GTF2IRD2B: variants seen among roughly 807,000 people sequenced by gnomAD.
GTF2IRD2B encodes the protein GTF2I repeat domain containing 2B.
Under a neutral mutation model 55.6 loss-of-function variants are expected in GTF2IRD2B, and 10 were observed. That is an observed-to-expected ratio of 0.18 (90% confidence interval 0.11 to 0.31). The LOEUF is 0.31. Ranked by LOEUF, GTF2IRD2B falls within the 10% of genes least tolerant of loss-of-function variation. The pLI is 1.00. For synonymous variants in GTF2IRD2B, 107 were observed against 320.5 expected (o/e 0.33, Z 7.12); for missense variants, 206 against 802.7 (o/e 0.26, Z 8.98).
chr7:75,102,151 C>T (rs587651541), intron 1 of GTF2IRD2B, among the ~76,000 whole-genome samples: 6 of 150,552 alleles, frequency 4.0e-5, no homozygotes, highest in Admixed American at 1.3e-4. Context: ...TACAGGCGTG[C>T]GCCACCATGC....
At chr7:75,114,564 G>C (rs1808079120) in intron 3 of GTF2IRD2B, among the ~76,000 whole-genome samples, 1 of 151,308 alleles carries the variant, frequency 6.6e-6, no homozygotes, top group Non-Finnish European at 1.5e-5. Context: ...AGTTCATTTT[G>C]CAACCCTTGC....
At position 75,120,053 on chromosome 7, in the gene GTF2IRD2B, C is replaced by G. The variant is rs1381017214; in HGVS notation, c.239-838C>G. ...CTGAGGCAGGAGAATGGCGTGAACC[C>G]GGGAGGCAGAACTTGCAGTGAGTGG... is the stretch of plus-strand genomic sequence containing the variant. On this transcript the variant is annotated intron_variant, in intron 3 of 15. Transcript: ENST00000472837. 5.4e-5 allele frequency among the ~76,000 whole-genome samples: 7 copies of G among 129,160 alleles called. 2 individuals are homozygous for G. Among genetic ancestry groups the G allele is most frequent in the African/African-American group, 2.5e-4 (7 of 27,826 alleles). 84.7% of individuals were successfully genotyped at this position (129,160 alleles called of 152,430 possible).
intron 1 of GTF2IRD2B, among the ~76,000 whole-genome samples, chr7:75,103,244 A>G (rs1807640593): frequency 6.6e-6 from 1 of 151,982 alleles, no homozygotes; most frequent in Non-Finnish European, 1.5e-5. Context: ...GCACCACTGC[A>G]CTCCAGCCTG....
intron 3 of GTF2IRD2B, among the ~76,000 whole-genome samples, chr7:75,118,849 T>C (rs376561506): frequency 8.8e-5 from 13 of 148,474 alleles, no homozygotes; most frequent in Non-Finnish European, 1.6e-4. Flanking sequence ...CACCAGATGA[T>C]GGGACAAAGA....
At chr7:75,132,548 CTTTTTTTTTTT>C (rs1159887977) in intron 8 of GTF2IRD2B, among the ~76,000 whole-genome samples, 1 of 85,316 alleles carries the variant, frequency 1.2e-5, no homozygotes, top group Non-Finnish European at 2.2e-5. Context: ...CTCCTTCCTT[CTTTTTTTTTTT>C]TTTTTTTTTT....
chr7:75,127,152 G>A (rs1486702792), intron 8 of GTF2IRD2B, among the ~76,000 whole-genome samples: 1 of 151,132 alleles, frequency 6.6e-6, no homozygotes, highest in Admixed American at 6.6e-5. Context: ...AGCCTCATTT[G>A]CAGAAGAACC....
At chr7:75,115,769 G>A (rs587715338) in intron 3 of GTF2IRD2B, among the ~76,000 whole-genome samples, 2 of 150,968 alleles carry the variant, frequency 1.3e-5, no homozygotes, top group Admixed American at 6.6e-5. Context: ...TAATTTGTAC[G>A]AGAAATGCCC....
chr7:75,104,575 C>T (rs1465642457), intron 1 of GTF2IRD2B, among the ~76,000 whole-genome samples: 8 of 152,126 alleles, frequency 5.3e-5, no homozygotes, highest in Non-Finnish European at 1.5e-5. Flanking sequence ...ACTTCTACGC[C>T]CTTTTCTCTC....
intron 3 of GTF2IRD2B, among the ~76,000 whole-genome samples, chr7:75,115,656 A>G (rs1808123690): frequency 7.1e-6 from 1 of 141,766 alleles, no homozygotes; most frequent in Admixed American, 7.3e-5. Flanking sequence ...GATGGTCTTG[A>G]ATTCCTGACC....
intron 12 of GTF2IRD2B, among the ~76,000 whole-genome samples, chr7:75,140,550 T>TTTA (rs1808982185): frequency 2.3e-4 from 9 of 38,976 alleles, no homozygotes; most frequent in Non-Finnish European, 4.7e-4. Context: ...TTTTTTTTTT[T>TTTA]GAGACGGAGT....
intron 1 of GTF2IRD2B, among the ~76,000 whole-genome samples, chr7:75,104,141 T>C (rs1167396813): frequency 8.2e-5 from 11 of 134,314 alleles, no homozygotes; most frequent in Non-Finnish European, 1.6e-5. Context: ...TTTTTGTTTT[T>C]AGATGGAATC....
At position 75,092,765 on chromosome 7, in the gene GTF2IRD2B, G is replaced by A. The variant is rs1265328510; in HGVS notation, c.-6G>A. The stretch of plus-strand genomic sequence containing the variant: ...GGCCCGGCGCGGCCCAGCGCCCTCA[G>A]GTGCGTACCCCGCCCCCGCCGCCGA... On this transcript the variant is annotated splice_region_variant and 5_prime_UTR_variant, in exon 1 of 16. Coordinates refer to ENST00000472837, the MANE Select transcript of GTF2IRD2B (RefSeq NM_001003795.3). 1 of 153,612 alleles carries A rather than the reference G, an allele frequency of 6.5e-6. No homozygotes were observed. Among genetic ancestry groups the A allele is most frequent in the African/African-American group, 2.4e-5 (1 of 41,466 alleles). The allele number at this position is 153,612 out of a possible 1,614,324, so 9.5% of individuals were successfully genotyped here.
intron 3 of GTF2IRD2B, among the ~76,000 whole-genome samples, chr7:75,113,783 T>G (rs1262861457): frequency 3.6e-4 from 36 of 99,498 alleles, no homozygotes; most frequent in Middle Eastern, 5.0e-3. Context: ...GGTATAAGGG[T>G]GTGTGTGTGT....
intron 1 of GTF2IRD2B, among the ~76,000 whole-genome samples, chr7:75,093,041 C>T (rs1224574872): frequency 1.3e-5 from 2 of 152,302 alleles, no homozygotes; most frequent in Admixed American, 1.3e-4. Flanking sequence ...TCCTGATTGG[C>T]CGAGCGGGGG....
chr7:75,113,813 T>TGC (rs1808047384), intron 3 of GTF2IRD2B, among the ~76,000 whole-genome samples: 2 of 138,514 alleles, frequency 1.4e-5, no homozygotes, highest in Admixed American at 1.5e-4. Context: ...TGTGTGTGTG[T>TGC]GTGTATGTAC....
At chr7:75,120,769 A>G in intron 3 of GTF2IRD2B, 122 bp from the exon 4 acceptor site, 14 of 1,518,018 alleles carry the variant, frequency 9.2e-6, no homozygotes, top group Non-Finnish European at 1.2e-5. Flanking sequence ...TTTTTCTTTA[A>G]AAGATCTTGT....
At chr7:75,112,623 A>C in intron 3 of GTF2IRD2B, 88 bp downstream of exon 3, 1 of 1,316,436 alleles carries the variant, frequency 7.6e-7, no homozygotes, top group Non-Finnish European at 1.1e-6. Flanking sequence ...AAGCTATCAT[A>C]AGCATTCTCC....
chr7:75,147,097 G>A, intron 15 of GTF2IRD2B: 1 of 163,436 alleles, frequency 6.1e-6, no homozygotes, highest in Admixed American at 5.6e-5. Context: ...CACAAACCAG[G>A]CACTCTTTCA....
chr7:75,105,231 T>C (rs1385358270), intron 1 of GTF2IRD2B, among the ~76,000 whole-genome samples: 11 of 151,796 alleles, frequency 7.2e-5, no homozygotes, highest in Admixed American at 6.6e-5. Flanking sequence ...AGACCAGGCA[T>C]GGTGGCTCTC....
Sources: allele counts gnomAD v4.1 joint callset (sites outside exome capture counted in the v4.1 genomes callset), GRCh38; gene constraint gnomAD v4.1.1; transcripts MANE v1.5; gene names NCBI Gene and HGNC (gene_info 2026-07-23, HGNC 2026-07-21).